The following PCDH15 variants were observed in gnomAD, a reference collection of about 807,000 sequenced individuals.
PCDH15 encodes protocadherin-15.
Under a neutral mutation model 178.5 loss-of-function variants are expected in PCDH15, and 129 were observed. The ratio of observed to expected loss-of-function variants is 0.72; its 90% CI spans 0.63 to 0.84. The LOEUF (loss-of-function observed/expected upper bound fraction) is 0.84. Ranked by LOEUF, PCDH15 falls within the 40% of genes least tolerant of loss-of-function variation. The probability of loss-of-function intolerance (pLI) is 0.00; values close to 1 mark genes in which losing one functional copy is unlikely to be tolerated. For missense variants in PCDH15, 2,230 were observed against 2,099.9 expected (o/e 1.06, Z -1.21); for synonymous variants, 800 against 732.0 (o/e 1.09, Z -1.50).
chr10:54,334,983 T>A (rs758150758), intron 6 of PCDH15, among the ~76,000 whole-genome samples: 12 of 152,216 alleles, frequency 7.9e-5, no homozygotes, highest in Non-Finnish European at 1.5e-4. Context: ...ATAAGCAGCA[T>A]CAACTTTGCC....
intron 35 of PCDH15, among the ~76,000 whole-genome samples, chr10:53,811,971 T>C (rs1240944857): frequency 6.6e-6 from 1 of 152,224 alleles, no homozygotes; most frequent in East Asian, 1.9e-4. Flanking sequence ...AATATTTAAC[T>C]CAATTTTAAG....
intron 1 of PCDH15, among the ~76,000 whole-genome samples, chr10:54,671,976 T>A (rs193245839): frequency 3.3e-5 from 5 of 152,234 alleles, no homozygotes; most frequent in Non-Finnish European, 7.4e-5. Flanking sequence ...CATTACCGCC[T>A]GAGCTCCGCC....
Position 54,022,872 on chromosome 10 carries a change from A to AAATGCTTT in PCDH15, c.2526+12_2526+19dup, listed in dbSNP as rs1180163517. The AAATGCTTT allele has an allele frequency of 6.2e-7, 1 of 1,612,812 alleles. No homozygotes were observed. The highest frequency in any genetic ancestry group is 8.5e-7 in the Non-Finnish European group (1 of 1,178,880). On this transcript the variant is annotated intron_variant, in intron 19 of 37. Transcript: ENST00000644397. ...TCTCCTAATGTAGGATTCATGTAAT[A>AAATGCTTT]AATGCTTTTTCCCACACACCTCTAT...
chr10:54,555,787 AG>A (rs5785082), intron 2 of PCDH15, among the ~76,000 whole-genome samples: 37,261 of 150,222 alleles, frequency 0.25, 4,940 homozygotes, highest in Admixed American at 0.34. Context: ...AGGAAAAAAA[AG>A]AATCACCCAT....
At chr10:54,257,400 C>CTTTTTTTTT in intron 8 of PCDH15, among the ~76,000 whole-genome samples, 1 of 68,822 alleles carries the variant, frequency 1.5e-5, no homozygotes. Flanking sequence ...AGAGAATTGT[C>CTTTTTTTTT]TTCTTTTTTT....
At chr10:55,463,001 A>G (rs1038672804) in intron 2 of PCDH15, among the ~76,000 whole-genome samples, 2 of 151,950 alleles carry the variant, frequency 1.3e-5, no homozygotes, top group Non-Finnish European at 2.9e-5. Flanking sequence ...CACACTGTAC[A>G]TCAGCCACAT....
intron 1 of PCDH15, among the ~76,000 whole-genome samples, chr10:54,790,773 A>G (rs1490547124): frequency 6.6e-6 from 1 of 151,970 alleles, no homozygotes; most frequent in Admixed American, 6.6e-5. Context: ...AGGATTAATC[A>G]GCCTCTTTGA....
chr10:53,943,049 C>A (rs186901831), intron 23 of PCDH15, among the ~76,000 whole-genome samples: 10 of 152,208 alleles, frequency 6.6e-5, no homozygotes, highest in African/African-American at 2.4e-4. Context: ...GTAGACATTA[C>A]TTAAATTGTT....
chr10:54,051,557 G>T (rs1338231773), intron 18 of PCDH15, among the ~76,000 whole-genome samples: 1 of 152,182 alleles, frequency 6.6e-6, no homozygotes, highest in Non-Finnish European at 1.5e-5. Context: ...ACTTGAGAGA[G>T]ATTATTTAAG....
chr10:55,094,325 G>A (rs1842393682), intron 2 of PCDH15, among the ~76,000 whole-genome samples: 1 of 151,940 alleles, frequency 6.6e-6, no homozygotes, highest in African/African-American at 2.4e-5. Context: ...CTCACTCATA[G>A]GTGGGAATTG....
At chr10:55,123,949 G>A (rs746952077) in intron 2 of PCDH15, among the ~76,000 whole-genome samples, 1 of 152,122 alleles carries the variant, frequency 6.6e-6, no homozygotes, top group African/African-American at 2.4e-5. Flanking sequence ...CATGGGGCCT[G>A]AAGCAGGCTG....
Position 54,107,974 on chromosome 10 carries a change from G to T in PCDH15, c.1918-17911C>A, listed in dbSNP as rs572767841. 9.3e-4 allele frequency among the ~76,000 whole-genome samples: 141 copies of T among 152,254 alleles called. 1 individual carries two copies. The highest frequency in any genetic ancestry group is 1.2e-3 in the Non-Finnish European group (85 of 68,006). On this transcript the variant is annotated intron_variant, in intron 15 of 37. Coordinates refer to ENST00000644397, the MANE Select transcript of PCDH15 (RefSeq NM_001384140.1). ...TGGTGTGATTTCAAAGCCCAAAGAT[G>T]GTTACAAGGGCATTTGTGTAGACTC...
At chr10:54,194,608 A>G (rs1231724362) in intron 11 of PCDH15, among the ~76,000 whole-genome samples, 1 of 115,442 alleles carries the variant, frequency 8.7e-6, no homozygotes, top group Non-Finnish European at 1.7e-5. Flanking sequence ...TGTTTTATAT[A>G]TATGTGTGTG....
intron 2 of PCDH15, among the ~76,000 whole-genome samples, chr10:55,387,061 T>C (rs1201965883): frequency 6.6e-6 from 1 of 152,148 alleles, no homozygotes; most frequent in Admixed American, 6.6e-5. Context: ...GATTCATTTT[T>C]ACATAAACTT....
chr10:54,853,303 A>G (rs1172373703), intron 3 of PCDH15, among the ~76,000 whole-genome samples: 8 of 122,124 alleles, frequency 6.6e-5, no homozygotes, highest in Admixed American at 2.9e-4. Context: ...ATATATATAT[A>G]TATATATATA....
intron 25 of PCDH15, among the ~76,000 whole-genome samples, chr10:53,915,222 CA>C (rs2083437097): frequency 1.3e-5 from 2 of 152,124 alleles, no homozygotes; most frequent in Admixed American, 6.5e-5. Flanking sequence ...ACAGAATTAA[CA>C]GGAACAAAAT....
intron 1 of PCDH15, among the ~76,000 whole-genome samples, chr10:54,674,094 T>C (rs1365610030): frequency 6.6e-6 from 1 of 152,192 alleles, no homozygotes; most frequent in Non-Finnish European, 1.5e-5. Flanking sequence ...TTTCATACTA[T>C]ATCAATGCAG....
At chr10:54,876,253 T>TTA (rs1954141793) in intron 3 of PCDH15, among the ~76,000 whole-genome samples, 1 of 152,034 alleles carries the variant, frequency 6.6e-6, no homozygotes, top group Non-Finnish European at 1.5e-5. Context: ...GAAAAAAAAA[T>TTA]TTTTAATATT....
chr10:55,300,143 A>G (rs1843237111), intron 1 of PCDH15, among the ~76,000 whole-genome samples: 1 of 152,164 alleles, frequency 6.6e-6, no homozygotes, highest in Admixed American at 6.5e-5. Flanking sequence ...TCCACTTGTT[A>G]TCCAGAGTTT....
Sources: gnomAD v4.1 joint callset for allele counts (sites outside exome capture counted in the v4.1 genomes callset) on GRCh38, gnomAD v4.1.1 for gene constraint, MANE v1.5 for transcripts, NCBI Gene and HGNC (gene_info 2026-07-23, HGNC 2026-07-21) for gene names.